The following ARHGEF1 variants were observed in gnomAD, a reference collection of about 807,000 sequenced individuals.
ARHGEF1 encodes Rho guanine nucleotide exchange factor 1, also known as 115 kDa guanine nucleotide exchange factor.
A neutral mutation model predicts 119.7 loss-of-function variants in ARHGEF1; 40 were observed. The ratio of observed to expected loss-of-function variants is 0.33; its 90% CI spans 0.26 to 0.44. The LOEUF (loss-of-function observed/expected upper bound fraction) is 0.44. ARHGEF1 is among the 20% of genes least tolerant of loss of function. The pLI is 1.00. For missense variants in ARHGEF1, 976 were observed against 1,268.3 expected (o/e 0.77, Z 3.50); for synonymous variants, 494 against 521.0 (o/e 0.95, Z 0.71).
At chr19:41,912,780 G>C in intron 18 of ARHGEF1, 1 of 499,962 alleles carries the variant, frequency 2.0e-6, no homozygotes, top group Non-Finnish European at 3.1e-6. Flanking sequence ...GAGACACGGA[G>C]AGAAGGGGGA....
In ARHGEF1 at chr19:41,892,186, C is replaced by T. The variant is rs572457601; in HGVS notation, c.324+63C>T. On this transcript the variant is annotated intron_variant, in intron 5 of 28. Coordinates refer to ENST00000354532, the MANE Select transcript of ARHGEF1 (RefSeq NM_004706.4). This position sits in a 1 kb window ranked among gnomAD's most constrained non-coding sequence, Gnocchi z 6.3. ...TGTTTGGGCCTGCAGAGTCACCATG[C>T]GGTCCCCAGCCTCTGCCCTGAGGGC... 2.0e-5 allele frequency: 31 copies of T among 1,561,900 alleles called. No individual in the cohort carries two copies. The highest frequency in any genetic ancestry group is 1.2e-4 in the South Asian group (11 of 88,418).
intron 1 of ARHGEF1, among the ~76,000 whole-genome samples, chr19:41,924,496 G>A (rs1023285896): frequency 6.6e-6 from 1 of 151,984 alleles, no homozygotes; most frequent in Non-Finnish European, 1.5e-5. Context: ...TAGTAATCGG[G>A]AGCTGTCATC....
upstream of ARHGEF1, among the ~76,000 whole-genome samples, chr19:41,921,630 C>CCCTGGGTTG (rs1181034047): frequency 6.6e-6 from 1 of 151,936 alleles, no homozygotes; most frequent in East Asian, 1.9e-4. The surrounding 1 kb of genome is among the most constrained non-coding windows in gnomAD (Gnocchi z 4.4). Flanking sequence ...GCACCGGAGA[C>CCCTGGGTTG]CCTGGGTTGG....
intron 13 of ARHGEF1, chr19:41,897,903 T>C: frequency 7.8e-7 from 1 of 1,286,358 alleles, no homozygotes; most frequent in Non-Finnish European, 9.8e-7. Context: ...CTTGTCTCTG[T>C]CCCCGGCATC....
upstream of ARHGEF1, among the ~76,000 whole-genome samples, chr19:41,918,096 A>G (rs1886900041): frequency 1.3e-5 from 2 of 151,140 alleles, no homozygotes; most frequent in South Asian, 4.2e-4. Context: ...ATGCCCCCCC[A>G]TCCCGGACGC....
chr19:41,912,809 C>T (rs2145885515), intron 18 of ARHGEF1: 1 of 720,272 alleles, frequency 1.4e-6, no homozygotes, highest in South Asian at 7.0e-5. Context: ...ACTGGGGAAG[C>T]CTGAGGGGTG....
chr19:41,916,094 A>G lies in ARHGEF1; in HGVS notation c.1866-6998A>G, dbSNP rs2074799892. Among the ~76,000 whole-genome samples, 1 of 151,526 alleles carries G rather than the reference A, an allele frequency of 6.6e-6. No homozygotes were observed. The highest frequency in any genetic ancestry group is 1.5e-5 in the Non-Finnish European group (1 of 67,904). On this transcript the variant is annotated intron_variant, in intron 18 of 20. Transcript: ENST00000599589. The surrounding 1 kb of genome is among the most constrained non-coding windows in gnomAD (Gnocchi z 5.4). ...TGCGCATGTGAGCGAAGCGGTGTGC[A>G]GAGGCGCTGGGCAGGCGAGGGCCCT...
In ARHGEF1 at chr19:41,905,807, G is replaced by A. The variant is rs782129033; in HGVS notation, c.2384G>A (p.Arg795Gln). 1.6e-5 allele frequency: 26 copies of A among 1,614,156 alleles called. No homozygotes were observed. In the East Asian group the frequency reaches 2.0e-4, roughly 12 times the overall value. The stretch of plus-strand genomic sequence containing the variant: ...AGCTCTGAGAACGGCAATGGTGGCC[G>A]AGAGACGTCTCCAGCTGATGGTGAG... ...LSSSENGNGG[R>Q]ETSPADARTE... The change falls in exon 25 of 29, where the codon CGA becomes CAA. Residue 795 changes from arginine (R) to glutamine (Q), a missense_variant. Arg to Gln is a conservative substitution (Grantham distance 43, BLOSUM62 1). This residue lies in a region of ARHGEF1 where 171 missense variants were observed against 180.6 expected (regional missense o/e 0.95). Coordinates refer to ENST00000354532, the MANE Select transcript of ARHGEF1 (RefSeq NM_004706.4). The surrounding 1 kb of genome is among the most constrained non-coding windows in gnomAD (Gnocchi z 6.4).
chr19:41,901,706 G>A (rs1223270052), intron 14 of ARHGEF1, among the ~76,000 whole-genome samples, 181 bp from the exon 15 acceptor site: 1 of 152,156 alleles, frequency 6.6e-6, no homozygotes, highest in Non-Finnish European at 1.5e-5. Context: ...TCTTGCCTTG[G>A]CCTCCCAAAG....
chr19:41,902,962 C>T lies in ARHGEF1; in HGVS notation c.1738+64C>T. 2 of 1,359,844 alleles carry T rather than the reference C, an allele frequency of 1.5e-6. No homozygotes were observed. The highest frequency in any genetic ancestry group is 2.0e-6 in the Non-Finnish European group (2 of 1,006,054). 84.2% of individuals were successfully genotyped at this position (1,359,844 alleles called of 1,614,324 possible). On this transcript the variant is annotated intron_variant, in intron 18 of 28. Coordinates refer to ENST00000354532, the MANE Select transcript of ARHGEF1 (RefSeq NM_004706.4). This position sits in a 1 kb window ranked among gnomAD's most constrained non-coding sequence, Gnocchi z 6.5. ...TTTTTTTTTTACATTTTTTTTCTCA[C>T]TCATTTTCATCAGTGATACCATCAC...
upstream of ARHGEF1, among the ~76,000 whole-genome samples, chr19:41,920,867 C>A (rs1555852422): frequency 1.3e-5 from 2 of 152,304 alleles, no homozygotes; most frequent in African/African-American, 4.8e-5. Flanking sequence ...GACAGAGAGG[C>A]CTGTGGGTGG....
chr19:41,890,475 G>C (rs782508929), intron 4 of ARHGEF1: 1 of 151,582 alleles, frequency 6.6e-6, no homozygotes, highest in Non-Finnish European at 1.5e-5. Context: ...GTAAAACCCC[G>C]TCTCTACTAA....
chr19:41,912,427 G>A (rs552990047), downstream of ARHGEF1, among the ~76,000 whole-genome samples: 2 of 152,318 alleles, frequency 1.3e-5, no homozygotes, highest in Admixed American at 6.5e-5. Context: ...TGGCCGGGTC[G>A]TGCCTGCACG....
rs782418458 is a variant in ARHGEF1, at chr19:41,903,442, G to C, written c.1839+35G>C. On this transcript the variant is annotated intron_variant, in intron 19 of 28. Transcript: ENST00000354532. The surrounding 1 kb of genome is among the most constrained non-coding windows in gnomAD (Gnocchi z 4.2). ...GGCTGGCCCCACACCCGGGACAGTGGATGGTGTGAGAGCAGGGGGTGGACC... is the reference window on the plus strand; with the variant it reads ...GGCTGGCCCCACACCCGGGACAGTGCATGGTGTGAGAGCAGGGGGTGGACC... The C allele has an allele frequency of 2.4e-5, 38 of 1,592,170 alleles. No individual in the cohort carries two copies. Among genetic ancestry groups the C allele is most frequent in the Non-Finnish European group, 3.3e-5 (38 of 1,161,582 alleles).
At chr19:41,898,413 T>A (rs1555848355) in intron 13 of ARHGEF1, 29 bp from the exon 14 acceptor site, 1 of 1,548,870 alleles carries the variant, frequency 6.5e-7, no homozygotes, top group East Asian at 2.5e-5. Context: ...TGGCCCAAGC[T>A]GGGGCCCTAA....
chr19:41,892,436 AG>A lies in ARHGEF1; in HGVS notation c.367+67del, dbSNP rs782807812. ...GGGGACCACACCTCCCAGGAGGCCA[AG>A]GGGAGGGAGGCCGCACTCCCATGCT... On this transcript the variant is annotated intron_variant, in intron 6 of 28. Transcript: ENST00000354532. This position sits in a 1 kb window ranked among gnomAD's most constrained non-coding sequence, Gnocchi z 6.3. 2 of 1,606,526 alleles carry A rather than the reference AG, an allele frequency of 1.2e-6. No homozygotes were observed. Among genetic ancestry groups the A allele is most frequent in the Non-Finnish European group, 1.7e-6 (2 of 1,173,746 alleles).
In ARHGEF1 at chr19:41,906,758, A is replaced by G. The variant is rs782355120; in HGVS notation, c.2711A>G (p.Asn904Ser). ...CCCCTCCTGTCTCAGCTTGGGGGGAACTCTGTCCCCCAGCCTGGCTGCACT... is the reference window on the plus strand; with the variant it reads ...CCCCTCCTGTCTCAGCTTGGGGGGAGCTCTGTCCCCCAGCCTGGCTGCACT... Reference protein sequence around the residue: ...LRPLLSQLGGNSVPQPGCT With the variant: ...LRPLLSQLGGSSVPQPGCT Residue 904 changes from asparagine (N) to serine (S), a missense_variant, in exon 28 of 29, where the codon AAC becomes AGC. Physicochemically the swap from Asn to Ser is conservative, Grantham distance 46. Coordinates refer to ENST00000354532, the MANE Select transcript of ARHGEF1 (RefSeq NM_004706.4). This position sits in a 1 kb window ranked among gnomAD's most constrained non-coding sequence, Gnocchi z 4.5. The G allele has an allele frequency of 6.2e-6, 10 of 1,610,400 alleles. No homozygotes were observed. The highest frequency in any genetic ancestry group is 6.8e-6 in the Non-Finnish European group (8 of 1,178,650).
In ARHGEF1 at chr19:41,903,626, C is replaced by A; in HGVS notation, c.1840-81C>A. ...TGCCCGCATCAGAAGTTGGTCTTGG[C>A]TCTCATCTTACCAATGTGGGTCACT... On this transcript the variant is annotated intron_variant, in intron 19 of 28. Transcript: ENST00000354532. The surrounding 1 kb of genome is among the most constrained non-coding windows in gnomAD (Gnocchi z 4.2). 1 of 1,480,178 alleles carries A rather than the reference C, an allele frequency of 6.8e-7. No individual in the cohort carries two copies. Among genetic ancestry groups the A allele is most frequent in the Non-Finnish European group, 9.3e-7 (1 of 1,073,008 alleles). 91.7% of individuals were successfully genotyped at this position (1,480,178 alleles called of 1,614,324 possible). A position where few individuals can be genotyped will look rare whatever the true frequency, so the allele number is the denominator to read the frequency against.
At chr19:41,909,545 G>T, downstream of ARHGEF1, 1 of 1,099,690 alleles carries the variant, frequency 9.1e-7, no homozygotes, top group Non-Finnish European at 1.2e-6. This position sits in a 1 kb window ranked among gnomAD's most constrained non-coding sequence, Gnocchi z 5.2. Context: ...CTTAATGCGT[G>T]TGCTGTCCCA....
Sources: allele counts gnomAD v4.1 joint callset (sites outside exome capture counted in the v4.1 genomes callset), GRCh38; gene constraint gnomAD v4.1.1; regional missense constraint gnomAD v4.1.1; non-coding constraint Gnocchi (gnomAD v3.1); transcripts MANE v1.5; gene names NCBI Gene and HGNC (gene_info 2026-07-23, HGNC 2026-07-21).